The following MARK2 variants were observed in gnomAD, a reference collection of about 807,000 sequenced individuals.
MARK2 encodes the protein serine/threonine-protein kinase MARK2.
In MARK2, 16 loss-of-function variants were observed where a neutral mutation model predicts 89.8. That is an observed-to-expected ratio of 0.18 (90% CI 0.12 to 0.27). MARK2 has a LOEUF of 0.27. Among genes scored for constraint, MARK2 ranks in the 10% least tolerant of loss-of-function variants. MARK2 has a pLI of 1.00. For synonymous variants in MARK2, 382 were observed against 399.5 expected (o/e 0.96, Z 0.52); for missense variants, 621 against 1,049.9 (o/e 0.59, Z 5.65).
At chr11:63,861,262 C>T (rs1350903763) in intron 1 of MARK2, among the ~76,000 whole-genome samples, 1 of 151,988 alleles carries the variant, frequency 6.6e-6, no homozygotes. Context: ...GGTGAAACCC[C>T]ATCTCTACTA....
chr11:63,900,143 C>T lies in MARK2; in HGVS notation c.768+33C>T, dbSNP rs1413237062. 2.0e-6 allele frequency: 3 copies of T among 1,499,146 alleles called. No individual in the cohort carries two copies. Among genetic ancestry groups the T allele is most frequent in the Admixed American group, 1.7e-5 (1 of 59,686 alleles). The allele number at this position is 1,499,146 out of a possible 1,614,324, so 92.9% of individuals were successfully genotyped here. A position where few individuals can be genotyped will look rare whatever the true frequency, so the allele number is the denominator to read the frequency against. On this transcript the variant is annotated intron_variant, in intron 8 of 18. Transcript: ENST00000402010. This position sits in a 1 kb window ranked among gnomAD's most constrained non-coding sequence, Gnocchi z 4.7. Reference sequence around the variant, plus strand: ...GAAGTGCAAGCTTTTTATTGCTTCTCATTTCCTCTCGGCCTCTGGTCTTAG... The same window carrying T: ...GAAGTGCAAGCTTTTTATTGCTTCTTATTTCCTCTCGGCCTCTGGTCTTAG...
chr11:63,895,432 T>C lies in MARK2; in HGVS notation c.234+94T>C, dbSNP rs1940293827. 2.0e-6 allele frequency: 3 copies of C among 1,474,172 alleles called. No homozygotes were observed. In the African/African-American group the frequency reaches 4.2e-5, roughly 20 times the overall value. The allele number at this position is 1,474,172 out of a possible 1,614,324, so 91.3% of individuals were successfully genotyped here. On this transcript the variant is annotated intron_variant, in intron 2 of 18. Transcript: ENST00000402010. ...GACTACTACTGCAGCCAACCTCTTG[T>C]TTATCCGGCAGAAATGAGATCTGAG...
chr11:63,899,738 G>A, intron 7 of MARK2, 136 bp from the exon 8 acceptor site: 1 of 705,966 alleles, frequency 1.4e-6, no homozygotes, highest in South Asian at 1.6e-5. Flanking sequence ...TTGAAGCCCT[G>A]CCCTGAAATT....
intron 1 of MARK2, among the ~76,000 whole-genome samples, chr11:63,871,543 G>C (rs1016576130): frequency 1.3e-3 from 182 of 144,002 alleles, no homozygotes; most frequent in African/African-American, 4.5e-3. Context: ...GCAGGTGTGG[G>C]TGAAGAGTAT....
Position 63,839,384 on chromosome 11 carries a change from C to A in MARK2, c.-123C>A. 1 of 602,340 alleles carries A rather than the reference C, an allele frequency of 1.7e-6. No individual in the cohort carries two copies. 37.3% of individuals were successfully genotyped at this position (602,340 alleles called of 1,614,324 possible). Reference sequence around the variant, plus strand: ...AGCGGCTGCCCGGCCTCCCCGCACCCCCGGCCGGGGCCCATGCGGCGGGTG... The same window carrying A: ...AGCGGCTGCCCGGCCTCCCCGCACCACCGGCCGGGGCCCATGCGGCGGGTG... On this transcript the variant is annotated 5_prime_UTR_variant, in exon 1 of 19. Coordinates refer to ENST00000402010, the MANE Select transcript of MARK2 (RefSeq NM_001039469.3).
Position 63,904,955 on chromosome 11 carries a change from A to T in MARK2, c.1846A>T (p.Thr616Ser). The stretch of plus-strand genomic sequence containing the variant: ...CCAGCAGAATTTGCCCTACGGTGTG[A>T]CCCCAGCCTCTCCCTCTGGCCACAG... ...RDQQNLPYGV[T>S]PASPSGHSQG... Residue 616 changes from threonine to serine, a missense_variant, in exon 16 of 19, where the codon ACC (threonine) becomes TCC (serine). Physicochemically the swap from Thr to Ser is moderately conservative, Grantham distance 58. This residue lies in a region of MARK2 where 397 missense variants were observed against 567.8 expected (regional missense o/e 0.70). Transcript: ENST00000402010. The surrounding 1 kb of genome is among the most constrained non-coding windows in gnomAD (Gnocchi z 6.3). 1 of 1,613,822 alleles carries T rather than the reference A, an allele frequency of 6.2e-7. No individual in the cohort carries two copies. Among genetic ancestry groups the T allele is most frequent in the East Asian group, 2.2e-5 (1 of 44,860 alleles).
At chr11:63,899,247 T>G (rs533124975) in intron 7 of MARK2, 139 bp downstream of exon 7, 3 of 638,236 alleles carry the variant, frequency 4.7e-6, no homozygotes, top group South Asian at 3.8e-5. Flanking sequence ...CTTTCTTTCT[T>G]TCTTTTTTTT....
chr11:63,895,708 C>T lies in MARK2; in HGVS notation c.288+75C>T, dbSNP rs1267776530. 69 of 1,251,904 alleles carry T rather than the reference C, an allele frequency of 5.5e-5. 3 individuals carry two copies. The highest frequency in any genetic ancestry group is 3.2e-4 in the South Asian group (26 of 81,978). 77.5% of individuals were successfully genotyped at this position (1,251,904 alleles called of 1,614,324 possible). A position where few individuals can be genotyped will look rare whatever the true frequency, so the allele number is the denominator to read the frequency against. ...TTTTGAGTCAGAGCCTCACTCTTGT[C>T]GCCCAGGCTGGAGTGCAATGGTGTG... On this transcript the variant is annotated intron_variant, in intron 3 of 18. Transcript: ENST00000402010.
At chr11:63,852,875 A>G (rs1378995377) in intron 1 of MARK2, among the ~76,000 whole-genome samples, 1 of 152,230 alleles carries the variant, frequency 6.6e-6, no homozygotes, top group Non-Finnish European at 1.5e-5. Context: ...CGTACGTACT[A>G]TGAGCTCTTT....
At chr11:63,844,938 A>G (rs1171815214) in intron 1 of MARK2, among the ~76,000 whole-genome samples, 1 of 152,126 alleles carries the variant, frequency 6.6e-6, no homozygotes, top group East Asian at 1.9e-4. Flanking sequence ...TTGAATGAAT[A>G]TTTTATGTCT....
chr11:63,907,784 A>G (rs1174750284), intron 17 of MARK2, among the ~76,000 whole-genome samples: 1 of 152,122 alleles, frequency 6.6e-6, no homozygotes, highest in East Asian at 1.9e-4. Context: ...CCCTCCTCCT[A>G]CAGAGATTCA....
In MARK2 at chr11:63,847,882, G is replaced by T. The variant is rs532241885; in HGVS notation, c.54+8322G>T. On this transcript the variant is annotated intron_variant, in intron 1 of 18. Transcript: ENST00000402010. ...CTCCTCATTTATGGGTCTGGGAGGGGATCAGGACTCCTTACTGCTATGATC... is the reference window on the plus strand; with the variant it reads ...CTCCTCATTTATGGGTCTGGGAGGGTATCAGGACTCCTTACTGCTATGATC... Among the ~76,000 whole-genome samples, 6 of 152,344 alleles carry T rather than the reference G, an allele frequency of 3.9e-5. No homozygotes were observed. In the South Asian group the frequency reaches 1.2e-3, roughly 32 times the overall value.
At chr11:63,869,340 C>G (rs919017849) in intron 1 of MARK2, 1 of 168,222 alleles carries the variant, frequency 5.9e-6, no homozygotes, top group African/African-American at 2.4e-5. Context: ...TGGAAGCCTG[C>G]AGACTCGCCG....
chr11:63,902,381 T>G lies in MARK2; in HGVS notation c.1234+51T>G. ...GGGGACTCACCCCTCTCCAGAGAGG[T>G]TACAGGTTCTGTGGGGACTTGGGTA... is the stretch of plus-strand genomic sequence containing the variant. On this transcript the variant is annotated intron_variant, in intron 12 of 18. Transcript: ENST00000402010. The surrounding 1 kb of genome is among the most constrained non-coding windows in gnomAD (Gnocchi z 4.2). 1.2e-6 allele frequency: 2 copies of G among 1,608,132 alleles called. No homozygotes were observed. The highest frequency in any genetic ancestry group is 1.7e-6 in the Non-Finnish European group (2 of 1,175,698).
At chr11:63,839,692 C>T (rs960532784) in intron 1 of MARK2, 132 bp downstream of exon 1, 2 of 654,980 alleles carry the variant, frequency 3.1e-6, no homozygotes, top group South Asian at 1.7e-5. Flanking sequence ...CATCCGGCTC[C>T]TGGCTCCGGC....
chr11:63,855,091 A>T (rs893831738), intron 1 of MARK2, among the ~76,000 whole-genome samples: 34 of 152,196 alleles, frequency 2.2e-4, no homozygotes, highest in African/African-American at 8.0e-4. Context: ...GTCTGCTAAA[A>T]CTTTTCCGAG....
intron 3 of MARK2, among the ~76,000 whole-genome samples, chr11:63,896,309 C>T (rs556689340): frequency 2.0e-5 from 3 of 152,330 alleles, no homozygotes; most frequent in East Asian, 3.9e-4. Context: ...ACTAGAAACA[C>T]GTGCAGCTAC....
rs1305010508 is a variant in MARK2 at position 63,909,826 on chromosome 11, C to A, written c.*589C>A. The stretch of plus-strand genomic sequence containing the variant: ...TGACCTCAGGCCCCTGGGCTGGAGG[C>A]CTGGGCGGTGGGGCAGGGGGCGGGG... On this transcript the variant is annotated 3_prime_UTR_variant, in exon 19 of 19. Transcript: ENST00000402010. 2 of 152,240 alleles carry A rather than the reference C, an allele frequency of 1.3e-5. No individual in the cohort carries two copies. The highest frequency in any genetic ancestry group is 2.9e-5 in the Non-Finnish European group (2 of 68,170). The allele number at this position is 152,240 out of a possible 1,614,324, so 9.4% of individuals were successfully genotyped here.
At chr11:63,845,220 G>A (rs1400797652) in intron 1 of MARK2, among the ~76,000 whole-genome samples, 7 of 152,148 alleles carry the variant, frequency 4.6e-5, no homozygotes, top group South Asian at 2.1e-4. Flanking sequence ...CTGTGGACTG[G>A]AGCTACTAGG....
Sources: allele counts gnomAD v4.1 joint callset (sites outside exome capture counted in the v4.1 genomes callset), GRCh38; gene constraint gnomAD v4.1.1; regional missense constraint gnomAD v4.1.1; non-coding constraint Gnocchi (gnomAD v3.1); transcripts MANE v1.5; gene names NCBI Gene and HGNC (gene_info 2026-07-23, HGNC 2026-07-21).